SETD1B: variants seen among roughly 807,000 people sequenced by gnomAD.
SETD1B encodes the protein histone-lysine N-methyltransferase SETD1B.
In SETD1B, 7 loss-of-function variants were observed where a neutral mutation model predicts 148.0. The ratio of observed to expected loss-of-function variants is 0.05; its 90% CI spans 0.03 to 0.09. SETD1B has a LOEUF of 0.09. SETD1B is among the 10% of genes least tolerant of loss of function. The pLI is 1.00. For missense variants in SETD1B, 2,155 were observed against 2,729.9 expected (o/e 0.79, Z 4.69); for synonymous variants, 1,361 against 1,186.5 (o/e 1.15, Z -3.02).
At chr12:121,814,970 AG>A (rs1876221290) in intron 7 of SETD1B, 40 bp downstream of exon 7, 12 of 1,488,482 alleles carry the variant, frequency 8.1e-6, no homozygotes, top group Admixed American at 2.1e-5. Flanking sequence ...GTGGCTGTGG[AG>A]GGGGGCAGGT....
chr12:121,822,496 A>T lies in SETD1B; in HGVS notation c.3917A>T (p.Asp1306Val), dbSNP rs535807840. Reference protein sequence around the residue: ...PLSPERAPEHDLEVEPEPPMM... With the variant: ...PLSPERAPEHVLEVEPEPPMM... ...TTCGCTCACCTCTCTGCAGAACATGACCTGGAAGTGGAGCCGGAGCCCCCT... is the reference window on the plus strand; with the variant it reads ...TTCGCTCACCTCTCTGCAGAACATGTCCTGGAAGTGGAGCCGGAGCCCCCT... Residue 1306 changes from aspartate (D) to valine (V), a missense_variant, in exon 12 of 17, where the codon GAC becomes GTC. Asp to Val is a radical substitution (Grantham distance 152). Around this residue, in one of 11 missense-constraint regions of SETD1B, gnomAD observed 862 missense variants for 873.8 expected, o/e 0.99. Coordinates refer to ENST00000604567, the MANE Select transcript of SETD1B (RefSeq NM_001353345.2). 7.3e-5 allele frequency: 113 copies of T among 1,543,586 alleles called. 3 individuals carry two copies. The South Asian group carries it at 1.3e-3, about 18-fold the overall frequency.
intron 7 of SETD1B, 24 bp downstream of exon 7, chr12:121,814,954 T>G (rs936741831): frequency 1.5e-5 from 23 of 1,515,250 alleles, no homozygotes; most frequent in Middle Eastern, 1.9e-4. Context: ...TGCAGGGCTC[T>G]GCAGGGTGGC....
chr12:121,816,977 C>A, intron 7 of SETD1B, 56 bp from the exon 8 acceptor site: 2 of 1,440,812 alleles, frequency 1.4e-6, no homozygotes, highest in Non-Finnish European at 1.8e-6. Context: ...GGAGGGCTCC[C>A]TGCAAGGGTT....
upstream of SETD1B, chr12:121,802,844 A>G (rs1875458142): frequency 6.6e-6 from 1 of 152,220 alleles, no homozygotes; most frequent in Admixed American, 6.5e-5. Context: ...GTCAAAGGAA[A>G]AACATTCCCC....
rs1047792740 is a variant in SETD1B at position 121,832,316 on chromosome 12, G to A, written c.*2077G>A. ...GACCTCCCTCTCCCCAGGAGCCCCA[G>A]CCCCAGAGTGGTTTGCAATAATCAA... is the stretch of plus-strand genomic sequence containing the variant. On this transcript the variant is annotated 3_prime_UTR_variant, in exon 17 of 17. Coordinates refer to ENST00000604567, the MANE Select transcript of SETD1B (RefSeq NM_001353345.2). The A allele has an allele frequency of 1.3e-5, 2 of 153,280 alleles. No homozygotes were observed. Among genetic ancestry groups the A allele is most frequent in the African/African-American group, 2.4e-5 (1 of 41,412 alleles). The allele number at this position is 153,280 out of a possible 1,614,324, so 9.5% of individuals were successfully genotyped here.
At position 121,827,606 on chromosome 12, in the gene SETD1B, A is replaced by G; in HGVS notation, c.5425A>G (p.Thr1809Ala). 1 of 1,551,382 alleles carries G rather than the reference A, an allele frequency of 6.4e-7. No individual in the cohort carries two copies. Among genetic ancestry groups the G allele is most frequent in the Non-Finnish European group, 8.7e-7 (1 of 1,146,922 alleles). The change falls in exon 14 of 17, where the codon ACT (threonine) becomes GCT (alanine). Residue 1809 changes from threonine (T) to alanine (A), a missense_variant. Physicochemically the swap from Thr to Ala is moderately conservative, Grantham distance 58. This residue lies in a region of SETD1B where 51 missense variants were observed against 162.8 expected (regional missense o/e 0.31). Coordinates refer to ENST00000604567, the MANE Select transcript of SETD1B (RefSeq NM_001353345.2). ...SEQRRLLSSF[T>A]GSCDSDLLKF... ...GCAGCGCCGCCTGCTGTCCTCCTTC[A>G]CTGGCAGCTGTGACAGTGACCTGCT...
chr12:121,821,381 G>A (rs1280194873), intron 11 of SETD1B, among the ~76,000 whole-genome samples: 1 of 151,434 alleles, frequency 6.6e-6, no homozygotes, highest in Non-Finnish European at 1.5e-5. Context: ...AGGTTGCAGC[G>A]AGCCGAGATC....
At chr12:121,797,883 C>T in the SETD1B span, 2 of 333,272 alleles carry the variant, frequency 6.0e-6, no homozygotes, top group South Asian at 2.3e-5. Flanking sequence ...GTGCTTTCGC[C>T]CTCTTGCTGT....
chr12:121,826,014 G>A (rs1876823250), intron 13 of SETD1B, among the ~76,000 whole-genome samples: 1 of 151,948 alleles, frequency 6.6e-6, no homozygotes, highest in Non-Finnish European at 1.5e-5. Flanking sequence ...ACTGTTCTGG[G>A]TCTATAGCAG....
At chr12:121,811,068 C>T (rs1323561470) in intron 6 of SETD1B, among the ~76,000 whole-genome samples, 7 of 152,232 alleles carry the variant, frequency 4.6e-5, no homozygotes, top group African/African-American at 1.7e-4. Context: ...AGAAGGAAAG[C>T]ATGGCCTAGT....
At chr12:121,813,059 C>T (rs1335362267) in intron 6 of SETD1B, among the ~76,000 whole-genome samples, 8 of 152,180 alleles carry the variant, frequency 5.3e-5, no homozygotes, top group African/African-American at 1.7e-4. Context: ...CCCTCACCAC[C>T]GCCCTGGATC....
At chr12:121,807,920 G>A (rs1875829045) in intron 4 of SETD1B, among the ~76,000 whole-genome samples, 1 of 149,876 alleles carries the variant, frequency 6.7e-6, no homozygotes, top group South Asian at 2.2e-4. Context: ...GGGGGGCTGG[G>A]CGTCGCGGGT....
At chr12:121,800,986 C>A (rs1471583117), upstream of SETD1B, 1 of 152,140 alleles carries the variant, frequency 6.6e-6, no homozygotes, top group Non-Finnish European at 1.5e-5. Context: ...CAGCCCGGCC[C>A]AGCCGCGACG....
intron 10 of SETD1B, among the ~76,000 whole-genome samples, chr12:121,819,114 C>T (rs924395042): frequency 1.3e-5 from 2 of 150,944 alleles, no homozygotes; most frequent in East Asian, 4.0e-4. Flanking sequence ...CGTGGTGGTG[C>T]ATGCCTGTAA....
chr12:121,807,584 G>A (rs1192300940), intron 4 of SETD1B, among the ~76,000 whole-genome samples: 1 of 152,046 alleles, frequency 6.6e-6, no homozygotes, highest in African/African-American at 2.4e-5. Flanking sequence ...TATGTAAGCA[G>A]CTGCCTCTGA....
the SETD1B span, among the ~76,000 whole-genome samples, chr12:121,794,915 G>C: frequency 3.1e-4 from 47 of 152,298 alleles, no homozygotes; most frequent in South Asian, 7.5e-3. Flanking sequence ...AGTGGCCTTC[G>C]TAGTTTCCTC....
chr12:121,793,809 G>A, the SETD1B span: 4 of 525,746 alleles, frequency 7.6e-6, no homozygotes, highest in Non-Finnish European at 6.4e-6. Flanking sequence ...CTCAGCCCTG[G>A]GTGTGGGTAT....
At position 121,814,859 on chromosome 12, in the gene SETD1B, C is replaced by T; in HGVS notation, c.2644C>T (p.Arg882Cys). 6.4e-7 allele frequency: 1 copy of T among 1,551,570 alleles called. No homozygotes were observed. The highest frequency in any genetic ancestry group is 8.7e-7 in the Non-Finnish European group (1 of 1,146,950). ...LKAIMKRDLN[R>C]KMVEVVAFRA... ...GGCCATCATGAAGCGTGACCTGAAC[C>T]GCAAGATGGTGGAAGTGGTGGCTTT... The change falls in exon 7 of 17, where the codon CGC becomes TGC. Residue 882 changes from arginine to cysteine, a missense_variant. This residue lies in a region of SETD1B where 289 missense variants were observed against 423.7 expected (regional missense o/e 0.68). Transcript: ENST00000604567.
upstream of SETD1B, chr12:121,799,705 C>T (rs1315500061): frequency 6.6e-5 from 2 of 30,534 alleles, no homozygotes; most frequent in Non-Finnish European, 1.9e-4. Context: ...GGCGGCCCTA[C>T]GCGCTCGCAG....
Sources: allele counts gnomAD v4.1 joint callset (sites outside exome capture counted in the v4.1 genomes callset), GRCh38; gene constraint gnomAD v4.1.1; regional missense constraint gnomAD v4.1.1; transcripts MANE v1.5; gene names NCBI Gene and HGNC (gene_info 2026-07-23, HGNC 2026-07-21).